GPC6: variants seen among roughly 807,000 people sequenced by gnomAD.
GPC6 encodes the protein glypican-6.
Under a neutral mutation model 55.2 loss-of-function variants are expected in GPC6, and 14 were observed. The observed-to-expected ratio is 0.25, with a 90% CI of 0.17 to 0.40. GPC6 has a LOEUF of 0.40. GPC6 is among the 10% of genes least tolerant of loss of function. The pLI, the probability that GPC6 is intolerant of heterozygous loss-of-function variation, is 1.00. For missense variants in GPC6, 641 were observed against 708.5 expected (o/e 0.90, Z 1.08); for synonymous variants, 278 against 259.6 (o/e 1.07, Z -0.68).
intron 4 of GPC6, among the ~76,000 whole-genome samples, chr13:94,048,309 T>C (rs1473508537): frequency 1.3e-5 from 2 of 151,978 alleles, no homozygotes; most frequent in African/African-American, 4.8e-5. Flanking sequence ...AAGGATAAAA[T>C]GATAATGTCA....
At chr13:93,815,924 A>G (rs1351511807) in intron 2 of GPC6, among the ~76,000 whole-genome samples, 1 of 152,184 alleles carries the variant, frequency 6.6e-6, no homozygotes, top group Non-Finnish European at 1.5e-5. Context: ...AACTCCTGAC[A>G]TCAATAAGAA....
chr13:93,751,716 C>T (rs1024704623), intron 2 of GPC6, among the ~76,000 whole-genome samples: 1 of 151,532 alleles, frequency 6.6e-6, no homozygotes, highest in African/African-American at 2.4e-5. Flanking sequence ...TGTAGAAATG[C>T]GGTCTCACCA....
At chr13:93,670,643 C>T (rs186076641) in intron 2 of GPC6, among the ~76,000 whole-genome samples, 20 of 152,188 alleles carry the variant, frequency 1.3e-4, no homozygotes, top group Admixed American at 5.2e-4. Context: ...GAAAGCAATT[C>T]AACTTTAATA....
chr13:93,882,867 A>T (rs1875081209), intron 3 of GPC6, among the ~76,000 whole-genome samples: 1 of 152,042 alleles, frequency 6.6e-6, no homozygotes, highest in African/African-American at 2.4e-5. Flanking sequence ...CCTTGAACAG[A>T]CTCACTGAGA....
intron 3 of GPC6, among the ~76,000 whole-genome samples, chr13:93,888,385 A>G (rs746530099): frequency 2.3e-4 from 35 of 152,294 alleles, no homozygotes; most frequent in Non-Finnish European, 3.4e-4. Context: ...TCCTACAGAT[A>G]TGATGCCTCT....
At chr13:94,041,844 A>G (rs974515505) in intron 4 of GPC6, among the ~76,000 whole-genome samples, 4 of 151,902 alleles carry the variant, frequency 2.6e-5, no homozygotes, top group African/African-American at 4.8e-5. Flanking sequence ...TTGTTTCAAA[A>G]TGATTTTCAA....
At chr13:93,266,288 T>C (rs968011715) in intron 1 of GPC6, among the ~76,000 whole-genome samples, 2 of 152,212 alleles carry the variant, frequency 1.3e-5, no homozygotes, top group African/African-American at 4.8e-5. Context: ...GAATTTTTTA[T>C]GCTAAAACAA....
At chr13:93,375,443 T>C (rs752015306) in intron 1 of GPC6, among the ~76,000 whole-genome samples, 2 of 152,212 alleles carry the variant, frequency 1.3e-5, no homozygotes, top group Admixed American at 6.5e-5. Context: ...TAAATGCTAG[T>C]ACCTGGCTGT....
chr13:93,591,533 T>A (rs985790727), intron 2 of GPC6, among the ~76,000 whole-genome samples: 1 of 152,180 alleles, frequency 6.6e-6, no homozygotes. Context: ...AATGTGTAAC[T>A]TTTGCATTCC....
At chr13:93,550,011 G>T (rs1417940985) in intron 2 of GPC6, among the ~76,000 whole-genome samples, 1 of 152,106 alleles carries the variant, frequency 6.6e-6, no homozygotes, top group Non-Finnish European at 1.5e-5. Context: ...CTTTAAAAGG[G>T]CAGTAGAAAT....
chr13:94,121,446 G>A (rs1163248885), intron 4 of GPC6, among the ~76,000 whole-genome samples: 5 of 151,966 alleles, frequency 3.3e-5, no homozygotes, highest in African/African-American at 9.7e-5. Flanking sequence ...TAAATAACTC[G>A]AAACACAAAA....
intron 6 of GPC6, among the ~76,000 whole-genome samples, chr13:94,380,925 G>T (rs1482078379): frequency 6.6e-6 from 1 of 152,122 alleles, no homozygotes. Flanking sequence ...ATGAGTAGAG[G>T]CCAGCTGGTT....
At chr13:94,261,985 T>C (rs1891671299) in intron 4 of GPC6, among the ~76,000 whole-genome samples, 1 of 152,146 alleles carries the variant, frequency 6.6e-6, no homozygotes, top group African/African-American at 2.4e-5. Context: ...TTCAAATGCC[T>C]AAGGTAAACA....
intron 2 of GPC6, among the ~76,000 whole-genome samples, chr13:93,808,373 CAAAGG>C (rs1299816774): frequency 6.6e-6 from 1 of 152,058 alleles, no homozygotes; most frequent in African/African-American, 2.4e-5. Flanking sequence ...CAGGTATACA[CAAAGG>C]AAAAGGGAAA....
At chr13:93,388,243 C>A (rs1875480188) in intron 1 of GPC6, among the ~76,000 whole-genome samples, 1 of 152,154 alleles carries the variant, frequency 6.6e-6, no homozygotes, top group African/African-American at 2.4e-5. Context: ...GGATGTGCAT[C>A]CTGAGTTTGG....
chr13:94,194,829 T>C (rs536278590), intron 4 of GPC6, among the ~76,000 whole-genome samples: 2 of 152,158 alleles, frequency 1.3e-5, no homozygotes, highest in South Asian at 4.2e-4. Context: ...GTTCTGAAAC[T>C]CTATACAGAA....
chr13:93,397,936 A>C (rs1421072257), intron 1 of GPC6, among the ~76,000 whole-genome samples: 1 of 152,184 alleles, frequency 6.6e-6, no homozygotes, highest in Non-Finnish European at 1.5e-5. Flanking sequence ...AGATGCTGCT[A>C]AGGTATCTGA....
intron 1 of GPC6, among the ~76,000 whole-genome samples, chr13:93,282,522 GAA>G (rs199977909): frequency 1.5e-5 from 2 of 135,352 alleles, no homozygotes; most frequent in Admixed American, 7.5e-5. Context: ...GAATTACAGT[GAA>G]AAAAAAAAAA....
intron 1 of GPC6, among the ~76,000 whole-genome samples, chr13:93,388,391 T>C (rs1875486203): frequency 6.6e-6 from 1 of 152,168 alleles, no homozygotes; most frequent in Non-Finnish European, 1.5e-5. Context: ...GTTCAATCCC[T>C]TGGGGGCTCA....
Sources: allele counts gnomAD v4.1 joint callset (sites outside exome capture counted in the v4.1 genomes callset), GRCh38; gene constraint gnomAD v4.1.1; transcripts MANE v1.5; gene names NCBI Gene and HGNC (gene_info 2026-07-23, HGNC 2026-07-21).